The following CELF4 variants were observed in gnomAD, a reference collection of about 807,000 sequenced individuals.
The protein encoded by CELF4 is CUG-BP- and ETR-3-like factor 4.
CELF4 carries 18 observed loss-of-function variants against 59.9 expected under a neutral mutation model. The ratio of observed to expected loss-of-function variants is 0.30; its 90% CI spans 0.21 to 0.45. The LOEUF is 0.45. Ranked by LOEUF, CELF4 falls within the 20% of genes least tolerant of loss-of-function variation. The pLI is 1.00. For synonymous variants in CELF4, 261 were observed against 267.1 expected (o/e 0.98, Z 0.22); for missense variants, 456 against 689.0 (o/e 0.66, Z 3.79).
At chr18:37,343,574 T>TGTGTGTATATGTGGGGTTGC (rs1176282834) in intron 2 of CELF4, among the ~76,000 whole-genome samples, 5 of 151,878 alleles carry the variant, frequency 3.3e-5, no homozygotes, top group African/African-American at 4.8e-5. Flanking sequence ...GTGGTGCATA[T>TGTGTGTATATGTGGGGTTGC]GTGTGTATAT....
chr18:37,477,474 G>A (rs2154602851), intron 2 of CELF4, among the ~76,000 whole-genome samples: 1 of 152,312 alleles, frequency 6.6e-6, no homozygotes, highest in African/African-American at 2.4e-5. Flanking sequence ...GGTGACAGAA[G>A]CCTGGGTGGT....
chr18:37,376,504 T>C (rs1282263540), intron 2 of CELF4, among the ~76,000 whole-genome samples: 1 of 152,216 alleles, frequency 6.6e-6, no homozygotes, highest in Non-Finnish European at 1.5e-5. Context: ...CCCCTACTCT[T>C]CTGGTCCTAG....
At chr18:37,371,169 G>A (rs1029801981) in intron 2 of CELF4, among the ~76,000 whole-genome samples, 6 of 152,268 alleles carry the variant, frequency 3.9e-5, no homozygotes, top group African/African-American at 9.6e-5. Context: ...CTAAGATCTC[G>A]TTGCACTGTT....
rs375493225 is a variant in CELF4, at chr18:37,244,735, C to G, written c.*507G>C. ...AATAAAAAGTTTGGTCCTTTGGTCC[C>G]TAAATAGCTAAAGGAATGACAGATA... is the stretch of plus-strand genomic sequence containing the variant. On this transcript the variant is annotated 3_prime_UTR_variant, in exon 13 of 13. Coordinates refer to ENST00000420428, the MANE Select transcript of CELF4 (RefSeq NM_020180.4). 6.6e-6 allele frequency: 1 copy of G among 152,574 alleles called. No individual in the cohort carries two copies. Among genetic ancestry groups the G allele is most frequent in the East Asian group, 1.9e-4 (1 of 5,188 alleles). 9.5% of individuals were successfully genotyped at this position (152,574 alleles called of 1,614,324 possible).
intron 2 of CELF4, among the ~76,000 whole-genome samples, chr18:37,367,695 C>CTT (rs35947067): frequency 0.016 from 2,316 of 144,726 alleles, 65 homozygotes; most frequent in African/African-American, 0.055. Context: ...TCTTTTCTTT[C>CTT]TTTTTTTTTT....
At chr18:37,250,872 T>A (rs2065060107) in intron 12 of CELF4, among the ~76,000 whole-genome samples, 1 of 152,178 alleles carries the variant, frequency 6.6e-6, no homozygotes, top group African/African-American at 2.4e-5. Flanking sequence ...ATGTCAACCT[T>A]ACTGTAGGAG....
At chr18:37,416,664 C>G (rs1233748162) in intron 2 of CELF4, among the ~76,000 whole-genome samples, 1 of 152,174 alleles carries the variant, frequency 6.6e-6, no homozygotes, top group Non-Finnish European at 1.5e-5. Flanking sequence ...TGGGGGGCCT[C>G]TCTGTCTTCT....
At chr18:37,442,645 G>C (rs1351212335) in intron 2 of CELF4, among the ~76,000 whole-genome samples, 4 of 152,116 alleles carry the variant, frequency 2.6e-5, no homozygotes, top group Admixed American at 1.3e-4. Flanking sequence ...TCAGTCCACC[G>C]GGCACATTTC....
intron 2 of CELF4, among the ~76,000 whole-genome samples, chr18:37,330,641 C>T (rs775435654): frequency 7.9e-5 from 12 of 152,124 alleles, no homozygotes; most frequent in Non-Finnish European, 1.2e-4. Context: ...CACGCAGGGC[C>T]CAGCATGGCC....
At chr18:37,311,585 C>T (rs1040471082) in intron 3 of CELF4, among the ~76,000 whole-genome samples, 1 of 151,822 alleles carries the variant, frequency 6.6e-6, no homozygotes, top group Non-Finnish European at 1.5e-5. Flanking sequence ...GTCACGAGTT[C>T]GAGATCAGCC....
chr18:37,506,947 T>C lies in CELF4; in HGVS notation c.287-21340A>G, dbSNP rs117469233. On this transcript the variant is annotated intron_variant, in intron 1 of 12. Coordinates refer to ENST00000420428, the MANE Select transcript of CELF4 (RefSeq NM_020180.4). ...GGCACCCTCGTTTCCTTGGGCCAGATGAAAAGGAGTGAGGAAACCTGTACA... is the reference window on the plus strand; with the variant it reads ...GGCACCCTCGTTTCCTTGGGCCAGACGAAAAGGAGTGAGGAAACCTGTACA... Among the ~76,000 whole-genome samples, 151 of 152,222 alleles carry C rather than the reference T, an allele frequency of 9.9e-4. 3 individuals are homozygous for C. In the East Asian group the frequency reaches 0.027, roughly 27 times the overall value.
intron 2 of CELF4, among the ~76,000 whole-genome samples, chr18:37,430,930 C>T (rs935810307): frequency 2.0e-5 from 3 of 152,186 alleles, no homozygotes; most frequent in South Asian, 2.1e-4. Context: ...TGGGTAAGGC[C>T]GCCTCCCCCA....
Position 37,253,789 on chromosome 18 carries a change from C to G in CELF4, c.*22G>C, listed in dbSNP as rs779906709. On this transcript the variant is annotated 3_prime_UTR_variant, in exon 12 of 13. Transcript: ENST00000420428. This position sits in a 1 kb window ranked among gnomAD's most constrained non-coding sequence, Gnocchi z 4.5. ...TACCTGTGCGAGTCCTGGTCTCCCC[C>G]GGGGGACGCTCCCGCCGGCGCTCAG... 7 of 1,589,110 alleles carry G rather than the reference C, an allele frequency of 4.4e-6. No individual in the cohort carries two copies. The highest frequency in any genetic ancestry group is 6.0e-6 in the Non-Finnish European group (7 of 1,167,602).
intron 2 of CELF4, among the ~76,000 whole-genome samples, chr18:37,448,908 G>A (rs2099755662): frequency 2.0e-5 from 3 of 152,200 alleles, no homozygotes; most frequent in Admixed American, 2.0e-4. Context: ...ACAGCCACTG[G>A]CCAGGCGCAG....
At chr18:37,557,825 A>G (rs1370502513) in intron 1 of CELF4, among the ~76,000 whole-genome samples, 1 of 152,068 alleles carries the variant, frequency 6.6e-6, no homozygotes, top group African/African-American at 2.4e-5. Context: ...CATCTTGCAG[A>G]AGGCCACATA....
At chr18:37,412,899 G>T (rs370061512) in intron 2 of CELF4, among the ~76,000 whole-genome samples, 265 of 152,202 alleles carry the variant, frequency 1.7e-3, no homozygotes, top group African/African-American at 6.0e-3. Flanking sequence ...TCGGTGTGAG[G>T]TTGGTTGGTG....
At chr18:37,436,876 T>G (rs1435353886) in intron 2 of CELF4, among the ~76,000 whole-genome samples, 1 of 152,190 alleles carries the variant, frequency 6.6e-6, no homozygotes, top group African/African-American at 2.4e-5. Flanking sequence ...AACCTTCATT[T>G]CCACCCAAAA....
chr18:37,475,304 C>T lies in CELF4; in HGVS notation c.369+10221G>A, dbSNP rs556273099. ...CCAGTGGTGGTTGAACTTCTTGTGC[C>T]CACGAATCTCCTAGGGATCTTGTTA... On this transcript the variant is annotated intron_variant, in intron 2 of 12. Transcript: ENST00000420428. Among the ~76,000 whole-genome samples, 14 of 152,244 alleles carry T rather than the reference C, an allele frequency of 9.2e-5. No homozygotes were observed. The East Asian group carries it at 2.1e-3, about 23-fold the overall frequency.
chr18:37,459,130 T>C (rs2154602059), intron 2 of CELF4, among the ~76,000 whole-genome samples: 1 of 152,342 alleles, frequency 6.6e-6, no homozygotes, highest in East Asian at 1.9e-4. Flanking sequence ...CTCCTATGCC[T>C]GGACTACCTG....
Sources: allele counts gnomAD v4.1 joint callset (sites outside exome capture counted in the v4.1 genomes callset), GRCh38; gene constraint gnomAD v4.1.1; non-coding constraint Gnocchi (gnomAD v3.1); transcripts MANE v1.5; gene names NCBI Gene and HGNC (gene_info 2026-07-23, HGNC 2026-07-21).